The following KLHDC4 variants were observed in gnomAD, a reference collection of about 807,000 sequenced individuals.
KLHDC4 encodes the protein kelch domain containing 4, also known as kelch domain-containing protein 4.
KLHDC4 carries 90 observed loss-of-function variants against 62.4 expected under a neutral mutation model. That is an observed-to-expected ratio of 1.44 (90% CI 1.22 to 1.72). KLHDC4 has a LOEUF of 1.72. KLHDC4 is among the 40% of genes most tolerant of loss of function. The probability of loss-of-function intolerance (pLI) is 0.00; values close to 1 mark genes in which losing one functional copy is unlikely to be tolerated. For missense variants in KLHDC4, 1,025 were observed against 699.7 expected (o/e 1.47, Z -5.25); for synonymous variants, 386 against 284.4 (o/e 1.36, Z -3.59).
chr16:87,739,281 C>A (rs1365711246), intron 5 of KLHDC4, among the ~76,000 whole-genome samples: 1 of 136,580 alleles, frequency 7.3e-6, no homozygotes. Flanking sequence ...CATCCACACA[C>A]CAGCACCTCA....
intron 6 of KLHDC4, among the ~76,000 whole-genome samples, chr16:87,727,611 A>G (rs929108218): frequency 6.6e-6 from 1 of 152,172 alleles, no homozygotes; most frequent in Non-Finnish European, 1.5e-5. Context: ...TGGGCTGAAC[A>G]GGGAAGTGGC....
At chr16:87,725,137 C>T (rs553146620) in intron 7 of KLHDC4, among the ~76,000 whole-genome samples, 2 of 152,022 alleles carry the variant, frequency 1.3e-5, no homozygotes, top group East Asian at 1.9e-4. Flanking sequence ...AGATCTATTA[C>T]GGTGGGAAAA....
chr16:87,711,231 C>A lies in KLHDC4; in HGVS notation c.1044+4G>T, dbSNP rs371199058. 6.2e-7 allele frequency: 1 copy of A among 1,613,818 alleles called. No individual in the cohort carries two copies. The highest frequency in any genetic ancestry group is 1.7e-5 in the Admixed American group (1 of 60,012). ...CGGCGCATGCTACTCAGAGGTTGCA[C>A]TACCTTCAGCTGTCCCTCAAACCAA... is the stretch of plus-strand genomic sequence containing the variant. On this transcript the variant is annotated splice_donor_region_variant and intron_variant, in intron 9 of 11. Transcript: ENST00000270583.
chr16:87,707,743 G>A, downstream of KLHDC4: 1 of 308,884 alleles, frequency 3.2e-6, no homozygotes, highest in South Asian at 2.8e-5. Flanking sequence ...CCCAGCCCTG[G>A]CCCGGGGCAG....
At chr16:87,737,157 G>C (rs1326678690) in intron 5 of KLHDC4, among the ~76,000 whole-genome samples, 1 of 148,824 alleles carries the variant, frequency 6.7e-6, no homozygotes, top group African/African-American at 2.5e-5. Context: ...TAACAAGTCA[G>C]GATACCCAGG....
intron 2 of KLHDC4, among the ~76,000 whole-genome samples, chr16:87,760,399 A>G (rs1047360876): frequency 4.0e-5 from 6 of 150,320 alleles, no homozygotes; most frequent in Non-Finnish European, 5.9e-5. Context: ...CGAGGTCAGA[A>G]GATCAAGACC....
intron 4 of KLHDC4, among the ~76,000 whole-genome samples, chr16:87,751,138 G>A (rs893918565): frequency 3.9e-5 from 6 of 152,140 alleles, no homozygotes; most frequent in African/African-American, 7.2e-5. Context: ...ACTATAGAAA[G>A]AACACATACA....
intron 3 of KLHDC4, 97 bp from the exon 4 acceptor site, chr16:87,755,389 C>A: frequency 2.9e-6 from 2 of 679,584 alleles, no homozygotes; most frequent in Non-Finnish European, 5.2e-6. Flanking sequence ...GGGAAACTGA[C>A]ATGCTAAAGG....
chr16:87,715,641 C>A (rs1001229876), intron 7 of KLHDC4, among the ~76,000 whole-genome samples: 1 of 152,158 alleles, frequency 6.6e-6, no homozygotes, highest in Non-Finnish European at 1.5e-5. Context: ...TGTCTGCTGT[C>A]TTTCTCATTA....
chr16:87,730,735 A>G lies in KLHDC4; in HGVS notation c.507-91T>C, dbSNP rs139169288. The G allele has an allele frequency of 3.7e-6, 4 of 1,087,950 alleles. No homozygotes were observed. The East Asian group carries it at 9.6e-5, about 26-fold the overall frequency. The allele number at this position is 1,087,950 out of a possible 1,614,324, so 67.4% of individuals were successfully genotyped here. Reference sequence around the variant, plus strand: ...ACAACAAACAAAATCCAATTTTTACACTGATTTCTGTTTTGTGAGCACTTA... The same window carrying G: ...ACAACAAACAAAATCCAATTTTTACGCTGATTTCTGTTTTGTGAGCACTTA... On this transcript the variant is annotated intron_variant, in intron 5 of 11. Transcript: ENST00000270583.
At chr16:87,765,300 G>A (rs1461950331) in intron 1 of KLHDC4, 1 of 456,258 alleles carries the variant, frequency 2.2e-6, no homozygotes, top group Admixed American at 2.3e-5. Context: ...TTAACCATCT[G>A]CTGCTCACTG....
chr16:87,753,113 C>T lies in KLHDC4; in HGVS notation c.369+2081G>A, dbSNP rs576774449. 2.9e-3 allele frequency among the ~76,000 whole-genome samples: 447 copies of T among 152,246 alleles called. 2 individuals are homozygous for T. Among genetic ancestry groups the T allele is most frequent in the African/African-American group, 0.01 (426 of 41,520 alleles). ...GGAGACAAGGACTGGAGTTCAGGGA[C>T]GCAGAGGCAGCTAAAAGTGGCAGGG... is the stretch of plus-strand genomic sequence containing the variant. On this transcript the variant is annotated intron_variant, in intron 4 of 11. Transcript: ENST00000270583.
chr16:87,752,705 G>C (rs12935478), intron 4 of KLHDC4, among the ~76,000 whole-genome samples: 1 of 151,894 alleles, frequency 6.6e-6, no homozygotes, highest in Non-Finnish European at 1.5e-5. Context: ...CCGACCCAGA[G>C]GACCACCCAA....
exon 1 of KLHDC4, chr16:87,700,461 G>C (rs992845584): frequency 6.2e-6 from 1 of 161,458 alleles, no homozygotes; most frequent in African/African-American, 2.4e-5. Context: ...CAGATAAGGC[G>C]GAGGGAGGAG....
intron 7 of KLHDC4, among the ~76,000 whole-genome samples, chr16:87,725,235 C>T (rs569392040): frequency 1.7e-4 from 26 of 152,278 alleles, no homozygotes; most frequent in African/African-American, 5.8e-4. Context: ...GTGAGTCACA[C>T]GGTGCCCGCA....
At chr16:87,738,265 T>A (rs1431269189) in intron 5 of KLHDC4, among the ~76,000 whole-genome samples, 5 of 152,092 alleles carry the variant, frequency 3.3e-5, no homozygotes, top group Admixed American at 2.6e-4. Flanking sequence ...GAAACTGACT[T>A]TCACTCAGAT....
At chr16:87,763,408 G>A (rs1168288295) in intron 1 of KLHDC4, 1 of 152,186 alleles carries the variant, frequency 6.6e-6, no homozygotes, top group Non-Finnish European at 1.5e-5. Flanking sequence ...TTCGAGACCA[G>A]CCTGACCAAC....
At chr16:87,756,158 C>G (rs1240599457) in intron 3 of KLHDC4, 1 of 371,814 alleles carries the variant, frequency 2.7e-6, no homozygotes, top group East Asian at 4.2e-5. Context: ...AGAGTGATGA[C>G]GGCAGAGCTG....
rs1481934065 is a variant in KLHDC4, at chr16:87,753,272, G to C, written c.369+1922C>G. Reference sequence around the variant, plus strand: ...AGGAACCACCACTGTGAAGACAAAAGCATCTTCTGATGCTGAGAACTATCA... The same window carrying C: ...AGGAACCACCACTGTGAAGACAAAACCATCTTCTGATGCTGAGAACTATCA... On this transcript the variant is annotated intron_variant, in intron 4 of 11. Transcript: ENST00000270583. Among the ~76,000 whole-genome samples, 4 of 152,220 alleles carry C rather than the reference G, an allele frequency of 2.6e-5. No individual in the cohort carries two copies. In the South Asian group the frequency reaches 8.3e-4, roughly 32 times the overall value.
Sources: allele counts gnomAD v4.1 joint callset (sites outside exome capture counted in the v4.1 genomes callset), GRCh38; gene constraint gnomAD v4.1.1; transcripts MANE v1.5; gene names NCBI Gene and HGNC (gene_info 2026-07-23, HGNC 2026-07-21).